THSD4: variants seen among roughly 807,000 people sequenced by gnomAD.
The protein encoded by THSD4 is thrombospondin type 1 domain containing 4, also known as thrombospondin type-1 domain-containing protein 4.
In THSD4, 69 loss-of-function variants were observed where a neutral mutation model predicts 119.0. That is an observed-to-expected ratio of 0.58 (90% CI 0.48 to 0.71). The LOEUF (loss-of-function observed/expected upper bound fraction) is 0.71, where lower values mean the gene tolerates loss of function less well. Ranked by LOEUF, THSD4 falls within the 30% of genes least tolerant of loss-of-function variation. The pLI is 0.00. For synonymous variants in THSD4, 524 were observed against 540.4 expected, an observed-to-expected ratio of 0.97 and a Z score of 0.42; for missense variants, 1,393 against 1,391.1, an observed-to-expected ratio of 1.00 and a Z score of -0.02.
In THSD4 at chr15:71,758,074, A is replaced by G; in HGVS notation, c.2588A>G (p.Gln863Arg). 1 of 1,570,794 alleles carries G rather than the reference A, an allele frequency of 6.4e-7. No homozygotes were observed. Among genetic ancestry groups the G allele is most frequent in the African/African-American group, 1.4e-5 (1 of 74,010 alleles). ...KVEWFAGSWS[Q>R]CSIECGSGTQ... is the part of the protein sequence containing the mutation. ...GAGTGGTTTGCCGGGAGCTGGAGTC[A>G]GGTGAGTGGCCAGAACTGGGTATGT... The change falls in exon 15 of 18, where the codon CAG becomes CGG. Residue 863 changes from glutamine (Q) to arginine (R), a missense_variant and splice_region_variant. Transcript: ENST00000261862.
At chr15:71,274,806 T>TA (rs1312520713) in intron 6 of THSD4, among the ~76,000 whole-genome samples, 1 of 152,048 alleles carries the variant, frequency 6.6e-6, no homozygotes, top group African/African-American at 2.4e-5. Flanking sequence ...AAATGATTCT[T>TA]TAAAAAGCTG....
intron 6 of THSD4, among the ~76,000 whole-genome samples, chr15:71,376,201 G>A (rs1289192886): frequency 1.3e-5 from 2 of 152,176 alleles, no homozygotes; most frequent in Admixed American, 1.3e-4. Flanking sequence ...CCTCTTGCAT[G>A]TGCTGTCTCT....
intron 1 of THSD4, among the ~76,000 whole-genome samples, chr15:71,125,244 C>A (rs1234949273): frequency 6.6e-6 from 1 of 152,234 alleles, no homozygotes; most frequent in Non-Finnish European, 1.5e-5. Context: ...CTCTGCCTGA[C>A]TCCCAACAGC....
intron 13 of THSD4, 26 bp downstream of exon 13, chr15:71,747,068 G>GCAGCTCCCTCTC (rs1302151825): frequency 6.4e-7 from 1 of 1,573,424 alleles, no homozygotes; most frequent in Non-Finnish European, 8.6e-7. Flanking sequence ...AGCCCGCTCT[G>GCAGCTCCCTCTC]CAGCTCCCTC....
intron 6 of THSD4, among the ~76,000 whole-genome samples, chr15:71,292,928 G>T (rs1241958208): frequency 1.3e-5 from 2 of 152,148 alleles, no homozygotes; most frequent in African/African-American, 4.8e-5. Flanking sequence ...CGCCCATCTT[G>T]GCCTCCCAAA....
chr15:71,483,954 T>C lies in THSD4; in HGVS notation c.1152+72131T>C, dbSNP rs1595813035. On this transcript the variant is annotated intron_variant, in intron 7 of 17. Transcript: ENST00000261862. Reference sequence around the variant, plus strand: ...GTTCCTTTTTATGTAGCCTTGATTCTTCCTCTAGGGAAGGGAGACACCATT... The same window carrying C: ...GTTCCTTTTTATGTAGCCTTGATTCCTCCTCTAGGGAAGGGAGACACCATT... Among the ~76,000 whole-genome samples the C allele has an allele frequency of 2.6e-5, 4 of 152,208 alleles. No homozygotes were observed. The South Asian group carries it at 8.3e-4, about 32-fold the overall frequency.
intron 7 of THSD4, among the ~76,000 whole-genome samples, chr15:71,469,329 T>G (rs770407364): frequency 2.0e-5 from 3 of 152,186 alleles, no homozygotes; most frequent in Non-Finnish European, 4.4e-5. Flanking sequence ...AGGACTGGTT[T>G]CCACACACAC....
intron 7 of THSD4, among the ~76,000 whole-genome samples, chr15:71,562,054 A>G (rs995748354): frequency 3.9e-5 from 6 of 152,190 alleles, no homozygotes; most frequent in Non-Finnish European, 8.8e-5. Flanking sequence ...ACATATGAGG[A>G]TAATGAATTT....
At chr15:71,156,424 A>AT (rs1194760152) in intron 3 of THSD4, among the ~76,000 whole-genome samples, 3 of 151,808 alleles carry the variant, frequency 2.0e-5, no homozygotes, top group Non-Finnish European at 2.9e-5. Context: ...CACCCAGCTG[A>AT]TTTTTTTTGT....
At chr15:71,118,062 G>T (rs775325895) in intron 1 of THSD4, among the ~76,000 whole-genome samples, 1 of 152,124 alleles carries the variant, frequency 6.6e-6, no homozygotes, top group African/African-American at 2.4e-5. Flanking sequence ...TTACCACTGG[G>T]CTTTGAAGCC....
chr15:71,559,653 A>C (rs1218242572), intron 7 of THSD4, among the ~76,000 whole-genome samples: 1 of 152,082 alleles, frequency 6.6e-6, no homozygotes, highest in East Asian at 1.9e-4. Flanking sequence ...TGGGAAGAAG[A>C]ATAATATTCA....
intron 3 of THSD4, among the ~76,000 whole-genome samples, chr15:71,174,272 C>T (rs1406390960): frequency 6.6e-5 from 10 of 152,086 alleles, no homozygotes; most frequent in African/African-American, 2.4e-4. Flanking sequence ...AGACAGTGGG[C>T]GCAGGCCAGT....
intron 7 of THSD4, among the ~76,000 whole-genome samples, chr15:71,640,980 G>GACACACACACAC (rs10551548): frequency 6.8e-6 from 1 of 146,606 alleles, no homozygotes; most frequent in Admixed American, 6.8e-5. Flanking sequence ...CCCACCTACA[G>GACACACACACAC]ACACACACAC....
chr15:71,718,373 G>A (rs1007353784), intron 8 of THSD4, among the ~76,000 whole-genome samples: 4 of 152,170 alleles, frequency 2.6e-5, no homozygotes, highest in African/African-American at 9.7e-5. Flanking sequence ...CAAGTGGACA[G>A]CTCAGCCTGA....
intron 7 of THSD4, among the ~76,000 whole-genome samples, chr15:71,529,024 C>T (rs1162326804): frequency 1.3e-5 from 2 of 152,228 alleles, no homozygotes; most frequent in South Asian, 4.1e-4. Context: ...TATTTCCCAG[C>T]CTTCTTGAAG....
intron 7 of THSD4, among the ~76,000 whole-genome samples, chr15:71,540,729 CTT>C (rs34631960): frequency 0.46 from 49,968 of 109,546 alleles, 11,875 homozygotes; most frequent in East Asian, 0.76. Flanking sequence ...ACCTGGCCTC[CTT>C]TTTTTTTTTT....
intron 3 of THSD4, among the ~76,000 whole-genome samples, chr15:71,172,732 T>C (rs1395295694): frequency 9.8e-6 from 1 of 102,366 alleles, no homozygotes; most frequent in African/African-American, 4.8e-5. Context: ...TATATATATA[T>C]ATGTGGACAA....
chr15:71,552,038 A>G (rs1241652640), intron 7 of THSD4, among the ~76,000 whole-genome samples: 1 of 138,562 alleles, frequency 7.2e-6, no homozygotes, highest in African/African-American at 2.4e-5. Context: ...ATAAGTAAGC[A>G]CTTTAAGTGG....
chr15:71,321,302 G>A (rs1243570469), intron 6 of THSD4, among the ~76,000 whole-genome samples: 3 of 152,204 alleles, frequency 2.0e-5, no homozygotes, highest in African/African-American at 7.2e-5. Context: ...TTGGGAGGCT[G>A]AGGCAGGCGA....
Sources: gnomAD v4.1 joint callset for allele counts (sites outside exome capture counted in the v4.1 genomes callset) on GRCh38, gnomAD v4.1.1 for gene constraint, MANE v1.5 for transcripts, NCBI Gene and HGNC (gene_info 2026-07-23, HGNC 2026-07-21) for gene names.